The following ATP6V1D variants were observed in gnomAD, a reference collection of about 807,000 sequenced individuals.
ATP6V1D encodes V-type proton ATPase subunit D.
ATP6V1D carries 20 observed loss-of-function variants against 39.4 expected under a neutral mutation model. The ratio of observed to expected loss-of-function variants is 0.51; its 90% CI spans 0.36 to 0.74. The LOEUF (loss-of-function observed/expected upper bound fraction) is 0.74. Among genes scored for constraint, ATP6V1D ranks in the 30% least tolerant of loss-of-function variants. The pLI is 0.00. For synonymous variants in ATP6V1D, 100 were observed against 100.5 expected, an observed-to-expected ratio of 0.99 and a Z score of 0.03; for missense variants, 228 against 291.6, an observed-to-expected ratio of 0.78 and a Z score of 1.59.
At position 67,337,954 on chromosome 14, in the gene ATP6V1D, T is replaced by A. The variant is rs556459838; in HGVS notation, c.*667A>T. ...AGCCTTTTTGTAAAACTCTAATACATGGAGTGGGAAAAATAGCTACCCACT... is the reference window on the plus strand; with the variant it reads ...AGCCTTTTTGTAAAACTCTAATACAAGGAGTGGGAAAAATAGCTACCCACT... On this transcript the variant is annotated 3_prime_UTR_variant, in exon 9 of 9. Coordinates refer to ENST00000216442, the MANE Select transcript of ATP6V1D (RefSeq NM_015994.4). The A allele has an allele frequency of 2.0e-5, 3 of 152,164 alleles. No homozygotes were observed. Among genetic ancestry groups the A allele is most frequent in the African/African-American group, 7.2e-5 (3 of 41,440 alleles). 9.4% of individuals were successfully genotyped at this position (152,164 alleles called of 1,614,324 possible). A position where few individuals can be genotyped will look rare whatever the true frequency, so the allele number is the denominator to read the frequency against.
chr14:67,338,543 C>T lies in ATP6V1D; in HGVS notation c.*78G>A. On this transcript the variant is annotated 3_prime_UTR_variant, in exon 9 of 9. Transcript: ENST00000216442. Reference sequence around the variant, plus strand: ...ATTCTTAGGCCAAAAAATAAATAGCCACACAAATCAAACCTACACACTGTG... The same window carrying T: ...ATTCTTAGGCCAAAAAATAAATAGCTACACAAATCAAACCTACACACTGTG... The T allele has an allele frequency of 7.1e-7, 1 of 1,402,670 alleles. No homozygotes were observed. The highest frequency in any genetic ancestry group is 1.7e-5 in the South Asian group (1 of 59,848). 86.9% of individuals were successfully genotyped at this position (1,402,670 alleles called of 1,614,324 possible). A position where few individuals can be genotyped will look rare whatever the true frequency, so the allele number is the denominator to read the frequency against.
chr14:67,358,365 C>T (rs913630419), intron 1 of ATP6V1D, among the ~76,000 whole-genome samples: 6 of 152,140 alleles, frequency 3.9e-5, no homozygotes, highest in Admixed American at 1.3e-4. Flanking sequence ...TATTTAGTCA[C>T]CGGGCAGAAA....
chr14:67,342,005 TCAC>T (rs925002802), intron 7 of ATP6V1D, among the ~76,000 whole-genome samples: 13 of 151,690 alleles, frequency 8.6e-5, no homozygotes, highest in African/African-American at 3.2e-4. Flanking sequence ...TTAAGAGTCA[TCAC>T]CACTCCCTAA....
chr14:67,338,460 T>C lies in ATP6V1D; in HGVS notation c.*161A>G. 1.3e-6 allele frequency: 1 copy of C among 753,870 alleles called. No homozygotes were observed. Among genetic ancestry groups the C allele is most frequent in the Non-Finnish European group, 2.1e-6 (1 of 481,192 alleles). 46.7% of individuals were successfully genotyped at this position (753,870 alleles called of 1,614,324 possible). A position where few individuals can be genotyped will look rare whatever the true frequency, so the allele number is the denominator to read the frequency against. ...TCCATGATAAATGGTTGCTAAATTA[T>C]GATTCTGCAAAAGTAATCCCATAAA... On this transcript the variant is annotated 3_prime_UTR_variant, in exon 9 of 9. Transcript: ENST00000216442.
intron 3 of ATP6V1D, among the ~76,000 whole-genome samples, chr14:67,350,375 C>T (rs997892063): frequency 1.3e-5 from 2 of 151,974 alleles, no homozygotes; most frequent in Non-Finnish European, 2.9e-5. Context: ...TATGATACAA[C>T]GTTAAATGAA....
intron 6 of ATP6V1D, among the ~76,000 whole-genome samples, chr14:67,345,492 T>C (rs985195386): frequency 6.6e-6 from 1 of 151,792 alleles, no homozygotes; most frequent in Non-Finnish European, 1.5e-5. Context: ...GAGGCAGAGG[T>C]TGCAGTGAGC....
rs762351423 is a variant in ATP6V1D at position 67,340,456 on chromosome 14, G to A, written c.586C>T (p.Arg196Ter). 5 of 1,613,428 alleles carry A rather than the reference G, an allele frequency of 3.1e-6. No homozygotes were observed. The highest frequency in any genetic ancestry group is 2.2e-5 in the East Asian group (1 of 44,840). Residue 196 changes from arginine (R) to a stop codon, truncating the protein, a stop_gained, in exon 8 of 9, where the codon CGA (arginine) becomes TGA (stop). Transcript: ENST00000216442. LOFTEE classifies it high-confidence loss of function. ...YIITELDERE[R>*]EEFYRLKKIQ... ...TCAACAAACCTATAGAACTCTTCTC[G>A]CTCTCTCTCATCCAGCTCTGTGATG...
Position 67,343,376 on chromosome 14 carries a change from T to C in ATP6V1D, c.519A>G (p.Glu173=). Residue 173 remains glutamate (E), a synonymous_variant, in exon 7 of 9, where the codon GAA becomes GAG. Transcript: ENST00000216442. ...KITNRRVNAI[E]HVIIPRIERT... Reference sequence around the variant, plus strand: ...CTCACAGTACCTAATACTCACCATGTTCAATGGCATTTACACGCCTGTTGG... The same window carrying C: ...CTCACAGTACCTAATACTCACCATGCTCAATGGCATTTACACGCCTGTTGG... The C allele has an allele frequency of 6.2e-7, 1 of 1,611,396 alleles. No individual in the cohort carries two copies. The highest frequency in any genetic ancestry group is 8.5e-7 in the Non-Finnish European group (1 of 1,177,736).
chr14:67,347,504 T>C (rs1189297063), intron 4 of ATP6V1D, 51 bp from the exon 5 acceptor site: 8 of 1,344,494 alleles, frequency 6.0e-6, no homozygotes, highest in Middle Eastern at 2.0e-4. Context: ...AGTTCTCTCT[T>C]TTTTTTTTTT....
At chr14:67,340,692 T>C (rs896926285) in intron 7 of ATP6V1D, among the ~76,000 whole-genome samples, 174 bp from the exon 8 acceptor site, 2 of 152,010 alleles carry the variant, frequency 1.3e-5, no homozygotes, top group Admixed American at 1.3e-4. Context: ...CCTCCCCCTC[T>C]CCCTCTCCCC....
intron 5 of ATP6V1D, 133 bp from the exon 6 acceptor site, chr14:67,346,004 A>G: frequency 1.6e-6 from 1 of 640,416 alleles, no homozygotes; most frequent in Non-Finnish European, 2.7e-6. Context: ...GAATGTAAAC[A>G]TGAAGTGCCT....
chr14:67,357,161 A>T (rs531164038), intron 1 of ATP6V1D, among the ~76,000 whole-genome samples: 68 of 152,298 alleles, frequency 4.5e-4, no homozygotes, highest in Non-Finnish European at 8.5e-4. Flanking sequence ...CCACTCTACA[A>T]TTGTTTTTGC....
chr14:67,349,229 A>G, intron 3 of ATP6V1D, 125 bp from the exon 4 acceptor site: 2 of 935,490 alleles, frequency 2.1e-6, no homozygotes, highest in South Asian at 3.4e-5. Flanking sequence ...ATGTTTTGAT[A>G]ACTGTCCTTT....
At chr14:67,340,705 G>A (rs1027854562) in intron 7 of ATP6V1D, among the ~76,000 whole-genome samples, 187 bp from the exon 8 acceptor site, 26 of 152,014 alleles carry the variant, frequency 1.7e-4, no homozygotes, top group Middle Eastern at 3.4e-3. Flanking sequence ...CTCTCCCCAC[G>A]GTCTCCCTCT....
intron 2 of ATP6V1D, among the ~76,000 whole-genome samples, chr14:67,351,567 G>A (rs564957854): frequency 6.6e-6 from 1 of 152,230 alleles, no homozygotes; most frequent in African/African-American, 2.4e-5. Flanking sequence ...AGAGTACAGT[G>A]GTGTAATCAT....
chr14:67,351,031 G>A (rs1331091716), intron 2 of ATP6V1D, among the ~76,000 whole-genome samples: 2 of 152,052 alleles, frequency 1.3e-5, no homozygotes, highest in East Asian at 1.9e-4. Flanking sequence ...AAACCCTAAT[G>A]GTGTATTAAT....
At chr14:67,354,726 A>G (rs2141112018) in intron 1 of ATP6V1D, among the ~76,000 whole-genome samples, 1 of 152,382 alleles carries the variant, frequency 6.6e-6, no homozygotes, top group South Asian at 2.1e-4. Flanking sequence ...AGGATTCACA[A>G]AAACTGGCAA....
At chr14:67,347,274 T>C in intron 5 of ATP6V1D, 135 bp downstream of exon 5, 1 of 709,250 alleles carries the variant, frequency 1.4e-6, no homozygotes, top group Non-Finnish European at 2.4e-6. Context: ...ACTATTGTCC[T>C]GACTATATCA....
chr14:67,350,491 A>T, intron 3 of ATP6V1D, 120 bp downstream of exon 3: 1 of 753,114 alleles, frequency 1.3e-6, no homozygotes. Context: ...ATTCTTTCTT[A>T]TTATTACTAT....
Sources: gnomAD v4.1 joint callset for allele counts (sites outside exome capture counted in the v4.1 genomes callset) on GRCh38, gnomAD v4.1.1 for gene constraint, MANE v1.5 for transcripts, NCBI Gene and HGNC (gene_info 2026-07-23, HGNC 2026-07-21) for gene names.